Variants in GALM observed in about 807,000 individuals in gnomAD.
GALM encodes the protein galactose mutarotase, also known as aldose 1-epimerase.
In GALM, 43 loss-of-function variants were observed where a neutral mutation model predicts 37.4. The observed-to-expected ratio is 1.15, with a 90% CI of 0.90 to 1.48. GALM has a LOEUF of 1.48. Among genes scored for constraint, GALM ranks in the 40% most tolerant of loss-of-function variants. The pLI, the probability that GALM is intolerant of heterozygous loss-of-function variation, is 0.00. For synonymous variants in GALM, 199 were observed against 170.6 expected (o/e 1.17, Z -1.30); for missense variants, 456 against 419.1 (o/e 1.09, Z -0.77).
chr2:38,671,685 G>A (rs973761715), intron 1 of GALM, among the ~76,000 whole-genome samples: 2 of 152,144 alleles, frequency 1.3e-5, no homozygotes, highest in African/African-American at 4.8e-5. Context: ...TTTCTGCTGT[G>A]CTTAAATTCT....
chr2:38,731,158 C>A (rs972055829), intron 5 of GALM, among the ~76,000 whole-genome samples: 9 of 152,004 alleles, frequency 5.9e-5, no homozygotes, highest in Non-Finnish European at 1.2e-4. Flanking sequence ...ACCAAGGGGG[C>A]GGAGGTTGCA....
At chr2:38,688,466 G>A (rs1417050157) in intron 3 of GALM, among the ~76,000 whole-genome samples, 5 of 151,802 alleles carry the variant, frequency 3.3e-5, no homozygotes, top group Admixed American at 6.6e-5. Context: ...AGCCGAGATC[G>A]CGCCATTGCA....
intron 1 of GALM, chr2:38,671,390 A>T (rs970027970): frequency 1.3e-5 from 2 of 152,132 alleles, no homozygotes; most frequent in African/African-American, 4.8e-5. Context: ...GGAAACTTAC[A>T]ATCATGGCAG....
intron 4 of GALM, among the ~76,000 whole-genome samples, chr2:38,703,932 T>C (rs576797951): frequency 6.6e-6 from 1 of 151,856 alleles, no homozygotes; most frequent in Non-Finnish European, 1.5e-5. Context: ...CAAGAATTGC[T>C]TTGAACCCAG....
intron 1 of GALM, among the ~76,000 whole-genome samples, chr2:38,667,457 C>A (rs963768984): frequency 6.6e-6 from 1 of 152,126 alleles, no homozygotes; most frequent in Non-Finnish European, 1.5e-5. Context: ...GTAATCCCAG[C>A]TAGTCAGGAG....
intron 3 of GALM, 130 bp downstream of exon 3, chr2:38,681,616 G>C: frequency 1.4e-6 from 1 of 725,016 alleles, no homozygotes; most frequent in South Asian, 1.6e-5. Context: ...AAAGGGCCCA[G>C]CAGAGGGCTT....
At chr2:38,720,588 C>T (rs1211200669) in intron 4 of GALM, among the ~76,000 whole-genome samples, 2 of 152,162 alleles carry the variant, frequency 1.3e-5, no homozygotes, top group Non-Finnish European at 2.9e-5. Context: ...TACTCCAGCA[C>T]TTCGTTTATT....
chr2:38,683,572 CTT>C (rs879504016), intron 3 of GALM, among the ~76,000 whole-genome samples: 1 of 146,402 alleles, frequency 6.8e-6, no homozygotes. Flanking sequence ...AGATTGTCCT[CTT>C]TTTTTTTTTG....
intron 3 of GALM, 23 bp downstream of exon 3, chr2:38,681,509 T>G: frequency 6.3e-7 from 1 of 1,582,332 alleles, no homozygotes; most frequent in South Asian, 1.1e-5. Context: ...GTTTCTTCTT[T>G]CCTGCTTCGT....
chr2:38,717,047 T>G (rs1666282094), intron 4 of GALM, among the ~76,000 whole-genome samples: 1 of 151,916 alleles, frequency 6.6e-6, no homozygotes, highest in Non-Finnish European at 1.5e-5. Context: ...GGTCAGGAGT[T>G]CAAGACCAGC....
chr2:38,726,477 C>T (rs1258647056), intron 4 of GALM, among the ~76,000 whole-genome samples: 4 of 152,078 alleles, frequency 2.6e-5, no homozygotes, highest in East Asian at 3.9e-4. Flanking sequence ...CCGCCCGCCT[C>T]GGCCTGCCAA....
Position 38,698,290 on chromosome 2 carries a change from G to A in GALM, c.634+8396G>A, listed in dbSNP as rs1001146347. 9.6e-5 allele frequency: 60 copies of A among 626,324 alleles called. No individual in the cohort carries two copies. In the Admixed American group the frequency reaches 1.6e-3, roughly 17 times the overall value. 38.8% of individuals were successfully genotyped at this position (626,324 alleles called of 1,614,324 possible). ...AAGCTACCTCTGTAGATGAAATTCC[G>A]GCACTTAGGAGTCAGCAGTGGTGTA... On this transcript the variant is annotated intron_variant, in intron 4 of 6. Coordinates refer to ENST00000272252, the MANE Select transcript of GALM (RefSeq NM_138801.3).
At chr2:38,683,814 G>A (rs528885387) in intron 3 of GALM, among the ~76,000 whole-genome samples, 2 of 152,090 alleles carry the variant, frequency 1.3e-5, no homozygotes, top group East Asian at 1.9e-4. Flanking sequence ...TGATCCACCC[G>A]CTTCAGCCTC....
At chr2:38,674,035 C>T (rs1343200418) in intron 1 of GALM, among the ~76,000 whole-genome samples, 2 of 151,908 alleles carry the variant, frequency 1.3e-5, no homozygotes, top group African/African-American at 4.8e-5. Flanking sequence ...ATGAAGTGTA[C>T]GTGCCAGACT....
intron 2 of GALM, among the ~76,000 whole-genome samples, chr2:38,679,356 C>T (rs1365898958): frequency 1.3e-5 from 2 of 151,794 alleles, no homozygotes; most frequent in African/African-American, 2.4e-5. Flanking sequence ...AACTCCCCAC[C>T]GCCCCCGACA....
At chr2:38,725,005 G>C (rs1385131020) in intron 4 of GALM, among the ~76,000 whole-genome samples, 1 of 152,160 alleles carries the variant, frequency 6.6e-6, no homozygotes, top group Non-Finnish European at 1.5e-5. Flanking sequence ...TCTACCTGTA[G>C]TTATACTTTA....
chr2:38,718,429 C>G (rs1666312899), intron 4 of GALM, among the ~76,000 whole-genome samples: 2 of 151,488 alleles, frequency 1.3e-5, no homozygotes, highest in Non-Finnish European at 2.9e-5. Context: ...GAACTCCTGA[C>G]CTCAGGTGAT....
At chr2:38,679,855 G>T (rs907762624) in intron 2 of GALM, among the ~76,000 whole-genome samples, 14 of 152,298 alleles carry the variant, frequency 9.2e-5, no homozygotes, top group South Asian at 2.1e-4. Context: ...TGTCTGTGAA[G>T]TTTGTAGCAA....
chr2:38,678,760 C>A (rs1022703641), intron 2 of GALM, among the ~76,000 whole-genome samples: 1 of 152,196 alleles, frequency 6.6e-6, no homozygotes, highest in Non-Finnish European at 1.5e-5. Flanking sequence ...TCCTTCCTGG[C>A]AAATGCCACG....
Sources: allele counts gnomAD v4.1 joint callset (sites outside exome capture counted in the v4.1 genomes callset), GRCh38; gene constraint gnomAD v4.1.1; transcripts MANE v1.5; gene names NCBI Gene and HGNC (gene_info 2026-07-23, HGNC 2026-07-21).